SOX6: variants seen among roughly 807,000 people sequenced by gnomAD.
SOX6 encodes the protein SRY-box transcription factor 6.
SOX6 carries 11 observed loss-of-function variants against 97.8 expected under a neutral mutation model. That is an observed-to-expected ratio of 0.11 (90% CI 0.07 to 0.19). The LOEUF is 0.19. SOX6 is among the 10% of genes least tolerant of loss of function. SOX6 has a pLI of 1.00. For missense variants in SOX6, 810 were observed against 1,039.5 expected, an observed-to-expected ratio of 0.78 and a Z score of 3.04; for synonymous variants, 360 against 371.4, an observed-to-expected ratio of 0.97 and a Z score of 0.35.
chr11:16,604,157 C>T (rs1384496096), intron 4 of SOX6, among the ~76,000 whole-genome samples: 1 of 152,236 alleles, frequency 6.6e-6, no homozygotes, highest in Non-Finnish European at 1.5e-5. Flanking sequence ...TTCCCACAGC[C>T]TCTCGAACTT....
intron 1 of SOX6, among the ~76,000 whole-genome samples, chr11:16,378,495 T>C (rs1432200703): frequency 6.6e-6 from 1 of 152,038 alleles, no homozygotes; most frequent in African/African-American, 2.4e-5. Context: ...TTAAAGAAGC[T>C]AAAAAATAGA....
rs534117400 is a variant in SOX6 at position 16,335,163 on chromosome 11, T to C, written c.237+5849A>G. ...AAAGAGATAGTACCGTATGCAAATA[T>C]AGTTTCAAAGTTACAGGAACTGGGA... On this transcript the variant is annotated intron_variant, in intron 2 of 15. Transcript: ENST00000683767. 1.4e-4 allele frequency among the ~76,000 whole-genome samples: 22 copies of C among 152,348 alleles called. No homozygotes were observed. The South Asian group carries it at 1.7e-3, about 11-fold the overall frequency.
At chr11:16,449,214 G>C (rs1245633167) in intron 1 of SOX6, among the ~76,000 whole-genome samples, 1 of 149,662 alleles carries the variant, frequency 6.7e-6, no homozygotes, top group South Asian at 2.1e-4. Context: ...CATGTTGAAC[G>C]AGCAGAAGTA....
intron 13 of SOX6, among the ~76,000 whole-genome samples, chr11:15,997,923 T>C (rs1041161989): frequency 1.6e-4 from 25 of 151,810 alleles, no homozygotes; most frequent in Admixed American, 1.0e-3. Flanking sequence ...CTACTAAAAA[T>C]ACAAAAATTA....
chr11:16,709,035 G>A (rs1225065158), intron 3 of SOX6, among the ~76,000 whole-genome samples: 1 of 152,116 alleles, frequency 6.6e-6, no homozygotes, highest in African/African-American at 2.4e-5. Context: ...ATGAAGAGGT[G>A]GCATCTTGTA....
At chr11:16,132,446 A>AAG (rs1849829116) in intron 6 of SOX6, among the ~76,000 whole-genome samples, 1 of 92,192 alleles carries the variant, frequency 1.1e-5, no homozygotes, top group African/African-American at 4.7e-5. Flanking sequence ...AGAAAGAAAA[A>AAG]AGAAAGAAAG....
intron 15 of SOX6, among the ~76,000 whole-genome samples, chr11:15,977,382 C>A (rs539674800): frequency 6.6e-6 from 1 of 152,044 alleles, no homozygotes; most frequent in African/African-American, 2.4e-5. Flanking sequence ...ATCCCACTCT[C>A]TAACCACCAC....
intron 1 of SOX6, among the ~76,000 whole-genome samples, chr11:16,401,104 A>G (rs936396605): frequency 6.6e-5 from 10 of 151,606 alleles, no homozygotes; most frequent in African/African-American, 2.2e-4. Context: ...ATGAAATTGA[A>G]TAACATTGGA....
rs1453709840 is a variant in SOX6, at chr11:16,428,933, C to T, written c.-5+47382G>A. 4.6e-5 allele frequency among the ~76,000 whole-genome samples: 7 copies of T among 152,142 alleles called. No individual in the cohort carries two copies. In the South Asian group the frequency reaches 8.3e-4, roughly 18 times the overall value. Reference sequence around the variant, plus strand: ...ACCTTGGGCGGCATGGCCATTTTCACGATATTAATTCTTCCTACACATGAG... The same window carrying T: ...ACCTTGGGCGGCATGGCCATTTTCATGATATTAATTCTTCCTACACATGAG... On this transcript the variant is annotated intron_variant, in intron 1 of 15. Transcript: ENST00000396356.
At chr11:16,532,563 A>G (rs1374806343) in intron 4 of SOX6, among the ~76,000 whole-genome samples, 1 of 151,976 alleles carries the variant, frequency 6.6e-6, no homozygotes, top group Non-Finnish European at 1.5e-5. Context: ...ACTGAATCCT[A>G]CTTAGAGCAT....
intron 4 of SOX6, among the ~76,000 whole-genome samples, chr11:16,210,469 T>C (rs966273240): frequency 3.9e-5 from 6 of 152,208 alleles, no homozygotes; most frequent in African/African-American, 1.4e-4. Context: ...TTAGTGGTTG[T>C]TTAGGGGTGG....
chr11:16,051,632 A>G (rs1232523601), intron 10 of SOX6, among the ~76,000 whole-genome samples: 1 of 152,114 alleles, frequency 6.6e-6, no homozygotes, highest in Admixed American at 6.5e-5. Flanking sequence ...GGATGTTTGA[A>G]CTAGTTTGTT....
chr11:16,170,784 G>GA (rs1223956118), intron 6 of SOX6, among the ~76,000 whole-genome samples: 5 of 151,964 alleles, frequency 3.3e-5, no homozygotes, highest in Non-Finnish European at 7.4e-5. Context: ...TACCCTTTGT[G>GA]CATTCTCATT....
At chr11:16,731,711 C>T (rs1289065459) in intron 2 of SOX6, among the ~76,000 whole-genome samples, 4 of 152,206 alleles carry the variant, frequency 2.6e-5, no homozygotes, top group Admixed American at 1.3e-4. Flanking sequence ...CTCACCACTC[C>T]TATTCAACAT....
chr11:16,493,143 C>T (rs1860537324), intron 4 of SOX6, among the ~76,000 whole-genome samples: 1 of 152,030 alleles, frequency 6.6e-6, no homozygotes, highest in African/African-American at 2.4e-5. Flanking sequence ...CACTTGCACA[C>T]CAAGTATACA....
chr11:16,541,809 A>C lies in SOX6; in HGVS notation n.610-65421T>G, dbSNP rs149951644. On this transcript the variant is annotated intron_variant and non_coding_transcript_variant, in intron 4 of 5. Coordinates refer to the SOX6 transcript ENST00000524520. Reference sequence around the variant, plus strand: ...GAATGGTGAGCATTAAAAAGTCAGGAAACAACAGATGCTGGAGAGGATGTG... The same window carrying C: ...GAATGGTGAGCATTAAAAAGTCAGGCAACAACAGATGCTGGAGAGGATGTG... Among the ~76,000 whole-genome samples the C allele has an allele frequency of 3.7e-3, 563 of 152,340 alleles. 2 individuals carry two copies. Among genetic ancestry groups the C allele is most frequent in the African/African-American group, 0.012 (496 of 41,584 alleles).
At chr11:16,143,920 A>G (rs1564980124) in intron 6 of SOX6, among the ~76,000 whole-genome samples, 1 of 152,192 alleles carries the variant, frequency 6.6e-6, no homozygotes, top group Non-Finnish European at 1.5e-5. Context: ...TTAACACCCC[A>G]CTGTCAACAT....
chr11:16,229,499 G>A (rs969400946), intron 4 of SOX6, among the ~76,000 whole-genome samples: 1 of 151,852 alleles, frequency 6.6e-6, no homozygotes, highest in African/African-American at 2.4e-5. Context: ...GGATTATTGG[G>A]GGAGGTAGAG....
rs1851435140 is a variant in SOX6 at position 16,185,021 on chromosome 11, T to C, written c.709-1067A>G. ...GAAGTGAAAATGAGTGTAAATCAGT[T>C]CCAAGCTATATACTTCCCAAGCCTT... On this transcript the variant is annotated intron_variant, in intron 5 of 15. Transcript: ENST00000683767. 2.6e-5 allele frequency among the ~76,000 whole-genome samples: 4 copies of C among 152,312 alleles called. No homozygotes were observed. In the South Asian group the frequency reaches 8.3e-4, roughly 32 times the overall value.
Sources: gnomAD v4.1 joint callset for allele counts (sites outside exome capture counted in the v4.1 genomes callset) on GRCh38, gnomAD v4.1.1 for gene constraint, MANE v1.5 for transcripts, NCBI Gene and HGNC (gene_info 2026-07-23, HGNC 2026-07-21) for gene names.